SLC9A9: variants seen among roughly 807,000 people sequenced by gnomAD.
SLC9A9 encodes sodium/hydrogen exchanger 9.
In SLC9A9, 62 loss-of-function variants were observed where a neutral mutation model predicts 77.8. The observed-to-expected ratio is 0.80, with a 90% CI of 0.65 to 0.98. SLC9A9 has a LOEUF of 0.98. Among genes scored for constraint, SLC9A9 ranks in the 50% least tolerant of loss-of-function variants. The pLI is 0.00. For synonymous variants in SLC9A9, 320 were observed against 283.5 expected, an observed-to-expected ratio of 1.13 and a Z score of -1.29; for missense variants, 775 against 774.9, an observed-to-expected ratio of 1.00 and a Z score of 0.00.
intron 14 of SLC9A9, among the ~76,000 whole-genome samples, chr3:143,324,838 T>G (rs1345692982): frequency 1.3e-5 from 2 of 152,086 alleles, no homozygotes; most frequent in Non-Finnish European, 2.9e-5. Flanking sequence ...AACAGTAGCT[T>G]ATTTCCTAGC....
chr3:143,373,504 A>G (rs776400584), intron 13 of SLC9A9, among the ~76,000 whole-genome samples: 5 of 151,536 alleles, frequency 3.3e-5, no homozygotes, highest in Non-Finnish European at 4.4e-5. Flanking sequence ...GGTACCATGT[A>G]TACCACTCCA....
chr3:143,272,028 C>T (rs1035064200), intron 14 of SLC9A9, among the ~76,000 whole-genome samples: 1 of 152,052 alleles, frequency 6.6e-6, no homozygotes, highest in Non-Finnish European at 1.5e-5. Context: ...AATGAAGGGG[C>T]AGATTACAGC....
chr3:143,401,195 T>C (rs1300252963), intron 12 of SLC9A9, among the ~76,000 whole-genome samples: 1 of 152,248 alleles, frequency 6.6e-6, no homozygotes, highest in East Asian at 1.9e-4. Flanking sequence ...TATCTATTTC[T>C]TCCTTCCTGC....
chr3:143,323,145 C>G (rs569668705), intron 14 of SLC9A9, among the ~76,000 whole-genome samples: 50 of 152,238 alleles, frequency 3.3e-4, no homozygotes, highest in Non-Finnish European at 6.3e-4. Flanking sequence ...TAAACTAGAA[C>G]AGCCACTGTG....
At chr3:143,588,051 T>C (rs1408108326) in intron 6 of SLC9A9, among the ~76,000 whole-genome samples, 1 of 152,176 alleles carries the variant, frequency 6.6e-6, no homozygotes, top group African/African-American at 2.4e-5. Flanking sequence ...TTCCCAGCTT[T>C]ATATTATATT....
chr3:143,399,347 G>A (rs2033800475), intron 12 of SLC9A9, among the ~76,000 whole-genome samples: 1 of 152,156 alleles, frequency 6.6e-6, no homozygotes, highest in South Asian at 2.1e-4. Flanking sequence ...CCATTGGGCT[G>A]AAGTGCATGC....
chr3:143,340,801 C>T (rs954314993), intron 14 of SLC9A9, among the ~76,000 whole-genome samples: 3 of 152,154 alleles, frequency 2.0e-5, no homozygotes, highest in Non-Finnish European at 4.4e-5. Flanking sequence ...AAATCTATCT[C>T]CAGACACCCT....
chr3:143,489,943 A>C (rs1242593457), intron 11 of SLC9A9, among the ~76,000 whole-genome samples: 1 of 152,126 alleles, frequency 6.6e-6, no homozygotes, highest in Non-Finnish European at 1.5e-5. Flanking sequence ...TTAATGAAGG[A>C]AATGCAAATC....
chr3:143,626,551 G>A (rs969640003), intron 6 of SLC9A9, among the ~76,000 whole-genome samples: 5 of 151,758 alleles, frequency 3.3e-5, no homozygotes, highest in Non-Finnish European at 7.4e-5. Context: ...TCACTCATAG[G>A]TGGGAATTGA....
At chr3:143,398,994 TAC>T (rs528337032) in intron 12 of SLC9A9, among the ~76,000 whole-genome samples, 34 of 115,360 alleles carry the variant, frequency 2.9e-4, no homozygotes, top group Admixed American at 1.8e-4. Context: ...ATTTGTTGTA[TAC>T]ACACACACAC....
chr3:143,491,659 C>T (rs529046159), intron 11 of SLC9A9, among the ~76,000 whole-genome samples: 1 of 152,170 alleles, frequency 6.6e-6, no homozygotes, highest in African/African-American at 2.4e-5. Flanking sequence ...GGTGCGAAAG[C>T]CTGGAGAAAC....
At chr3:143,368,855 A>G (rs1466023025) in intron 13 of SLC9A9, among the ~76,000 whole-genome samples, 3 of 152,254 alleles carry the variant, frequency 2.0e-5, no homozygotes, top group Non-Finnish European at 1.5e-5. Context: ...GGAACACAGT[A>G]TATAATTCAA....
At chr3:143,825,226 C>T (rs1186961945) in intron 2 of SLC9A9, among the ~76,000 whole-genome samples, 8 of 152,148 alleles carry the variant, frequency 5.3e-5, no homozygotes, top group Non-Finnish European at 5.9e-5. Flanking sequence ...ACATATTTAT[C>T]TCATGGCCCA....
intron 14 of SLC9A9, among the ~76,000 whole-genome samples, chr3:143,280,550 T>C (rs867357253): frequency 0.016 from 2,434 of 149,588 alleles, 55 homozygotes; most frequent in African/African-American, 0.057. Context: ...ACATTTTTTT[T>C]TTTTTTTTTT....
chr3:143,273,816 G>GCAAT (rs1461587694), intron 14 of SLC9A9, among the ~76,000 whole-genome samples: 3 of 152,220 alleles, frequency 2.0e-5, no homozygotes, highest in Non-Finnish European at 4.4e-5. Context: ...TGAATTTTCA[G>GCAAT]CAATCATCCC....
At chr3:143,409,512 T>G (rs1401354172) in intron 12 of SLC9A9, among the ~76,000 whole-genome samples, 1 of 152,240 alleles carries the variant, frequency 6.6e-6, no homozygotes, top group Non-Finnish European at 1.5e-5. Flanking sequence ...TCATTCCGCT[T>G]AAACCTTACC....
chr3:143,363,447 C>T, intron 14 of SLC9A9, 37 bp downstream of exon 14: 2 of 1,581,202 alleles, frequency 1.3e-6, no homozygotes, highest in Non-Finnish European at 1.7e-6. Flanking sequence ...TCTCTGCCTG[C>T]AGCAGGATCT....
At chr3:143,824,677 C>G (rs558077735) in intron 2 of SLC9A9, among the ~76,000 whole-genome samples, 1 of 152,204 alleles carries the variant, frequency 6.6e-6, no homozygotes, top group African/African-American at 2.4e-5. Context: ...TGGCAAGTGG[C>G]AAGTGCTCAA....
chr3:143,586,214 C>T (rs754169558), intron 6 of SLC9A9, among the ~76,000 whole-genome samples: 16 of 152,232 alleles, frequency 1.1e-4, no homozygotes, highest in Admixed American at 9.8e-4. Flanking sequence ...GAGGGGTGAG[C>T]ATCCTAACTG....
Sources: gnomAD v4.1 joint callset for allele counts (sites outside exome capture counted in the v4.1 genomes callset) on GRCh38, gnomAD v4.1.1 for gene constraint, MANE v1.5 for transcripts, NCBI Gene and HGNC (gene_info 2026-07-23, HGNC 2026-07-21) for gene names.